Variants in CMTM8 observed in about 807,000 individuals in gnomAD.
The protein encoded by CMTM8 is CKLF-like MARVEL transmembrane domain-containing protein 8.
A neutral mutation model predicts 18.6 loss-of-function variants in CMTM8; 12 were observed. The ratio of observed to expected loss-of-function variants is 0.65; its 90% CI spans 0.41 to 1.05. The LOEUF is 1.05. Ranked by LOEUF, CMTM8 falls within the 50% of genes least tolerant of loss-of-function variation. The pLI is 0.00. For missense variants in CMTM8, 217 were observed against 227.2 expected (o/e 0.95, Z 0.29); for synonymous variants, 87 against 90.6 (o/e 0.96, Z 0.23).
chr3:32,254,819 G>A (rs895774338), intron 1 of CMTM8, among the ~76,000 whole-genome samples: 1 of 151,596 alleles, frequency 6.6e-6, no homozygotes, highest in African/African-American at 2.4e-5. Flanking sequence ...TCATAGCATT[G>A]TGCAATCATC....
intron 1 of CMTM8, among the ~76,000 whole-genome samples, chr3:32,331,490 C>A (rs1392417664): frequency 6.7e-6 from 1 of 148,400 alleles, no homozygotes; most frequent in African/African-American, 2.5e-5. Flanking sequence ...GAATTAAAGA[C>A]AGGATCTTTG....
At chr3:32,314,327 A>G (rs926002469) in intron 1 of CMTM8, among the ~76,000 whole-genome samples, 1 of 152,054 alleles carries the variant, frequency 6.6e-6, no homozygotes, top group African/African-American at 2.4e-5. Flanking sequence ...TTTGCTGAGG[A>G]GTGCTGGAAG....
intron 1 of CMTM8, among the ~76,000 whole-genome samples, chr3:32,325,758 A>G (rs771876299): frequency 6.6e-5 from 10 of 152,148 alleles, no homozygotes; most frequent in Non-Finnish European, 1.3e-4. Context: ...TATCTCCCAC[A>G]TTTTTGAATA....
chr3:32,295,713 T>C (rs1559372532), intron 1 of CMTM8, among the ~76,000 whole-genome samples: 1 of 152,088 alleles, frequency 6.6e-6, no homozygotes, highest in Non-Finnish European at 1.5e-5. Context: ...TACCCACATC[T>C]ATTAATGTCT....
intron 1 of CMTM8, among the ~76,000 whole-genome samples, chr3:32,353,740 G>A (rs1028064565): frequency 4.6e-5 from 7 of 151,940 alleles, no homozygotes; most frequent in African/African-American, 7.3e-5. Context: ...TATAACTGGC[G>A]GATAGGGAAG....
intron 1 of CMTM8, among the ~76,000 whole-genome samples, chr3:32,325,310 C>T (rs1559380108): frequency 6.6e-6 from 1 of 152,142 alleles, no homozygotes; most frequent in Non-Finnish European, 1.5e-5. Flanking sequence ...AACTCAGTTA[C>T]AGGGGGGAAA....
At chr3:32,259,484 C>T in intron 1 of CMTM8, 2 of 779,808 alleles carry the variant, frequency 2.6e-6, no homozygotes, top group Non-Finnish European at 2.3e-6. Flanking sequence ...GAATGACATT[C>T]ATGGGCTCTT....
rs1696836041 is a variant in CMTM8 at position 32,357,375 on chromosome 3, T to C, written c.150T>C (p.Val50=). The C allele has an allele frequency of 1.9e-6, 3 of 1,613,648 alleles. No individual in the cohort carries two copies. The highest frequency in any genetic ancestry group is 1.3e-5 in the African/African-American group (1 of 74,922). ...CCACTGCTTCTACCACTTTACAGGTTCTGGGGCTGCTGGTATGGACGCTTA... is the reference window on the plus strand; with the variant it reads ...CCACTGCTTCTACCACTTTACAGGTCCTGGGGCTGCTGGTATGGACGCTTA... ...LPGFLIVAEI[V]LGLLVWTLIA... is the part of the protein sequence containing the mutation. The change falls in exon 2 of 4, where the codon GTT becomes GTC. Residue 50 remains valine, a splice_region_variant and synonymous_variant. Coordinates refer to ENST00000307526, the MANE Select transcript of CMTM8 (RefSeq NM_178868.5).
chr3:32,316,952 G>A (rs1024444529), intron 1 of CMTM8, among the ~76,000 whole-genome samples: 1 of 152,206 alleles, frequency 6.6e-6, no homozygotes, highest in African/African-American at 2.4e-5. Flanking sequence ...ACAAGCCAGC[G>A]TTTGGAAATT....
At chr3:32,338,539 A>G (rs1296473689) in intron 1 of CMTM8, among the ~76,000 whole-genome samples, 1 of 152,158 alleles carries the variant, frequency 6.6e-6, no homozygotes, top group African/African-American at 2.4e-5. Flanking sequence ...CCCTGCAGCA[A>G]CCTAGGTGGT....
At chr3:32,246,956 C>G (rs1702023071) in intron 1 of CMTM8, among the ~76,000 whole-genome samples, 1 of 152,062 alleles carries the variant, frequency 6.6e-6, no homozygotes, top group Non-Finnish European at 1.5e-5. Flanking sequence ...CAAAAATCAG[C>G]TGGGCGTAGT....
rs186867963 is a variant in CMTM8 at position 32,282,218 on chromosome 3, C to A, written c.147+43099C>A. ...CCCATGAGGACACAGTCAGCAAAAT[C>A]TAGATTGTGTGTACGGGACAAATGA... On this transcript the variant is annotated intron_variant, in intron 1 of 3. Transcript: ENST00000307526. 1.0e-3 allele frequency among the ~76,000 whole-genome samples: 158 copies of A among 152,176 alleles called. 1 individual carries two copies. The highest frequency in any genetic ancestry group is 9.3e-4 in the Non-Finnish European group (63 of 68,016).
At chr3:32,302,002 G>A (rs74281415) in intron 1 of CMTM8, among the ~76,000 whole-genome samples, 18,754 of 151,658 alleles carry the variant, frequency 0.12, 1,436 homozygotes, top group East Asian at 0.42. Flanking sequence ...GGAATTAAGA[G>A]TGATCACTGA....
intron 1 of CMTM8, among the ~76,000 whole-genome samples, chr3:32,315,495 T>C (rs1262892355): frequency 1.3e-5 from 2 of 152,174 alleles, no homozygotes; most frequent in East Asian, 1.9e-4. Flanking sequence ...CGGGGCAGGA[T>C]GAACCAGTTG....
At chr3:32,328,795 A>C (rs187666152) in intron 1 of CMTM8, among the ~76,000 whole-genome samples, 1 of 152,310 alleles carries the variant, frequency 6.6e-6, no homozygotes, top group African/African-American at 2.4e-5. Context: ...ATCATGAAAA[A>C]TCTGAACAGA....
chr3:32,329,629 A>T (rs1000488665), intron 1 of CMTM8, among the ~76,000 whole-genome samples: 9 of 152,178 alleles, frequency 5.9e-5, no homozygotes, highest in Non-Finnish European at 1.3e-4. Flanking sequence ...TCAACATACT[A>T]AAGACCATAT....
chr3:32,248,503 A>C (rs968188797), intron 1 of CMTM8, among the ~76,000 whole-genome samples: 3 of 152,056 alleles, frequency 2.0e-5, no homozygotes. Context: ...CTGGGATTAC[A>C]GGCACCCGCC....
At chr3:32,243,423 CGG>C (rs1701970257) in intron 1 of CMTM8, among the ~76,000 whole-genome samples, 1 of 148,956 alleles carries the variant, frequency 6.7e-6, no homozygotes, top group African/African-American at 2.5e-5. Flanking sequence ...CTCAGCTACT[CGG>C]GAGGCTGAGG....
intron 1 of CMTM8, among the ~76,000 whole-genome samples, chr3:32,240,203 T>A (rs1701929652): frequency 6.6e-6 from 1 of 152,206 alleles, no homozygotes; most frequent in Non-Finnish European, 1.5e-5. Context: ...CTTGTGTACC[T>A]CAAGTAGCTT....
Sources: allele counts gnomAD v4.1 joint callset (sites outside exome capture counted in the v4.1 genomes callset), GRCh38; gene constraint gnomAD v4.1.1; transcripts MANE v1.5; gene names NCBI Gene and HGNC (gene_info 2026-07-23, HGNC 2026-07-21).